Variants in LRBA observed in about 807,000 individuals in gnomAD.
LRBA encodes LPS responsive beige-like anchor protein.
Under a neutral mutation model 330.0 loss-of-function variants are expected in LRBA, and 176 were observed. The ratio of observed to expected loss-of-function variants is 0.53; its 90% CI spans 0.47 to 0.60. The LOEUF (loss-of-function observed/expected upper bound fraction) is 0.60, where lower values mean the gene tolerates loss of function less well. Among genes scored for constraint, LRBA ranks in the 20% least tolerant of loss-of-function variants. The probability of loss-of-function intolerance (pLI) is 0.00; values close to 1 mark genes in which losing one functional copy is unlikely to be tolerated. For missense variants in LRBA, 3,259 were observed against 3,444.8 expected (o/e 0.95, Z 1.35); for synonymous variants, 1,230 against 1,193.0 (o/e 1.03, Z -0.64).
At position 150,841,008 on chromosome 4, in the gene LRBA, C is replaced by CA. The variant is rs1194995011; in HGVS notation, c.4569+3091dup. 3.2e-6 allele frequency: 4 copies of CA among 1,258,202 alleles called. No individual in the cohort carries two copies. In the Admixed American group the frequency reaches 7.3e-5, roughly 23 times the overall value. 77.9% of individuals were successfully genotyped at this position (1,258,202 alleles called of 1,614,324 possible). A position where few individuals can be genotyped will look rare whatever the true frequency, so the allele number is the denominator to read the frequency against. ...GACATATTTGTGATCCGTGATCTGA[C>CA]AAAATCTATGATATTTTGCAGGTTC... is the stretch of plus-strand genomic sequence containing the variant. On this transcript the variant is annotated intron_variant, in intron 28 of 56. Transcript: ENST00000651943.
At chr4:150,273,455 C>T (rs534842628) in intron 56 of LRBA, among the ~76,000 whole-genome samples, 1 of 152,234 alleles carries the variant, frequency 6.6e-6, no homozygotes, top group East Asian at 1.9e-4. Context: ...CAAATTCACA[C>T]ATAACAATAT....
In LRBA at chr4:150,624,002, C is replaced by A. The variant is rs910091536; in HGVS notation, c.5922-24871G>T. Among the ~76,000 whole-genome samples, 6 of 152,160 alleles carry A rather than the reference C, an allele frequency of 3.9e-5. 1 individual carries two copies. Among genetic ancestry groups the A allele is most frequent in the African/African-American group, 1.4e-4 (6 of 41,444 alleles). On this transcript the variant is annotated intron_variant, in intron 37 of 56. Coordinates refer to ENST00000651943, the MANE Select transcript of LRBA (RefSeq NM_001364905.1). ...TAGATAACTGAACTACCCTCTACCA[C>A]AACATACACATACCAAAAAGGTACA...
chr4:150,574,554 G>C (rs1770290525), intron 40 of LRBA, among the ~76,000 whole-genome samples: 2 of 151,960 alleles, frequency 1.3e-5, no homozygotes, highest in South Asian at 4.1e-4. Flanking sequence ...ACAAAAATTT[G>C]GGACTTTTTG....
At chr4:150,564,555 G>C (rs577455112) in intron 40 of LRBA, among the ~76,000 whole-genome samples, 1 of 152,210 alleles carries the variant, frequency 6.6e-6, no homozygotes, top group South Asian at 2.1e-4. Context: ...TTAAACTAAA[G>C]AGCTTCTGCA....
chr4:150,514,878 T>G (rs1365058688), intron 40 of LRBA, among the ~76,000 whole-genome samples: 1 of 152,218 alleles, frequency 6.6e-6, no homozygotes, highest in East Asian at 1.9e-4. Context: ...CCTTCTGTTC[T>G]GTGAAATCTG....
At chr4:150,471,080 A>AT (rs1211647818) in intron 43 of LRBA, among the ~76,000 whole-genome samples, 1 of 152,160 alleles carries the variant, frequency 6.6e-6, no homozygotes, top group Admixed American at 6.6e-5. Context: ...TAACATTCTT[A>AT]TTTTTTCCCA....
At chr4:150,530,915 T>A (rs2152199639) in intron 40 of LRBA, among the ~76,000 whole-genome samples, 1 of 152,280 alleles carries the variant, frequency 6.6e-6, no homozygotes, top group Admixed American at 6.5e-5. Flanking sequence ...GTCTGTGATC[T>A]CACCACTGGG....
chr4:150,491,542 G>A (rs927059092), intron 40 of LRBA, among the ~76,000 whole-genome samples: 2 of 151,954 alleles, frequency 1.3e-5, no homozygotes, highest in African/African-American at 4.8e-5. Flanking sequence ...CACTGTTAAG[G>A]CAACAGTCAC....
intron 2 of LRBA, among the ~76,000 whole-genome samples, chr4:150,995,743 G>A (rs1207651196): frequency 1.3e-5 from 2 of 152,002 alleles, no homozygotes; most frequent in Admixed American, 6.5e-5. Flanking sequence ...AAGAAATGAC[G>A]ACCAAGAACT....
chr4:150,740,351 T>G (rs1263331960), intron 35 of LRBA, among the ~76,000 whole-genome samples: 1 of 151,570 alleles, frequency 6.6e-6, no homozygotes, highest in East Asian at 1.9e-4. Flanking sequence ...AGAACAGAAA[T>G]TAAATAGAAA....
At chr4:150,445,410 T>C (rs1255490167) in intron 44 of LRBA, among the ~76,000 whole-genome samples, 1,417 of 111,916 alleles carry the variant, frequency 0.013, 11 homozygotes, top group Non-Finnish European at 0.02. Context: ...TATATATATA[T>C]ACATATATAC....
At position 150,928,506 on chromosome 4, in the gene LRBA, G is replaced by GT. The variant is rs778433490; in HGVS notation, c.549+9dup. Reference sequence around the variant, plus strand: ...CTTTAAAATACCAAAGAGTACTTAAGTTTTTTTACCCATCGTCCTTTATCT... The same window carrying GT: ...CTTTAAAATACCAAAGAGTACTTAAGTTTTTTTTACCCATCGTCCTTTATCT... On this transcript the variant is annotated intron_variant, in intron 4 of 56. Transcript: ENST00000651943. 19 of 1,596,946 alleles carry GT rather than the reference G, an allele frequency of 1.2e-5. No individual in the cohort carries two copies. Among genetic ancestry groups the GT allele is most frequent in the African/African-American group, 6.7e-5 (5 of 74,480 alleles).
intron 33 of LRBA, among the ~76,000 whole-genome samples, chr4:150,799,299 GA>G (rs536817298): frequency 1.3e-5 from 2 of 152,134 alleles, no homozygotes; most frequent in Non-Finnish European, 2.9e-5. Context: ...ATTGTATTAG[GA>G]AGCAAATTAT....
chr4:150,840,089 T>C (rs1396787974), intron 28 of LRBA, among the ~76,000 whole-genome samples: 1 of 152,214 alleles, frequency 6.6e-6, no homozygotes, highest in Non-Finnish European at 1.5e-5. Flanking sequence ...TCTCGGCCTT[T>C]ACAGAATTGA....
At chr4:150,281,306 T>C (rs1747485315) in intron 55 of LRBA, among the ~76,000 whole-genome samples, 1 of 152,118 alleles carries the variant, frequency 6.6e-6, no homozygotes, top group Admixed American at 6.5e-5. Flanking sequence ...AGTACGAGTG[T>C]GTCTCTGTGC....
intron 36 of LRBA, among the ~76,000 whole-genome samples, chr4:150,701,240 T>C (rs567708582): frequency 1.2e-3 from 176 of 152,312 alleles, no homozygotes; most frequent in Non-Finnish European, 2.3e-3. Flanking sequence ...TCTCCTATGA[T>C]GACAATGCCT....
chr4:150,685,420 A>ATATATACT (rs1561514146), intron 36 of LRBA, among the ~76,000 whole-genome samples: 1 of 17,436 alleles, frequency 5.7e-5, no homozygotes, highest in African/African-American at 2.4e-4. Context: ...ATATATATAT[A>ATATATACT]TTTTTTTTTT....
intron 17 of LRBA, among the ~76,000 whole-genome samples, chr4:150,883,196 C>A (rs189668167): frequency 6.6e-6 from 1 of 152,208 alleles, no homozygotes; most frequent in African/African-American, 2.4e-5. Context: ...AGTGGTGGCT[C>A]ACGCATGTAA....
intron 17 of LRBA, among the ~76,000 whole-genome samples, chr4:150,873,032 T>A (rs1401873736): frequency 6.6e-6 from 1 of 152,186 alleles, no homozygotes; most frequent in Non-Finnish European, 1.5e-5. Context: ...TTTCAGATAC[T>A]TTTTTCCTTC....
Sources: allele counts gnomAD v4.1 joint callset (sites outside exome capture counted in the v4.1 genomes callset), GRCh38; gene constraint gnomAD v4.1.1; transcripts MANE v1.5; gene names NCBI Gene and HGNC (gene_info 2026-07-23, HGNC 2026-07-21).